Variants in TTC7A observed in about 807,000 individuals in gnomAD.
The protein encoded by TTC7A is tetratricopeptide repeat protein 7A.
TTC7A carries 110 observed loss-of-function variants against 103.7 expected under a neutral mutation model. The ratio of observed to expected loss-of-function variants is 1.06; its 90% confidence interval spans 0.91 to 1.24. TTC7A has a LOEUF of 1.24. TTC7A is among the 50% of genes most tolerant of loss of function. TTC7A has a pLI of 0.00. For missense variants in TTC7A, 1,340 were observed against 1,116.3 expected, an observed-to-expected ratio of 1.20 and a Z score of -2.86; for synonymous variants, 521 against 467.9, an observed-to-expected ratio of 1.11 and a Z score of -1.47.
chr2:47,046,716 C>G (rs1200792822), intron 16 of TTC7A: 1 of 425,624 alleles, frequency 2.3e-6, no homozygotes, highest in African/African-American at 2.0e-5. Flanking sequence ...TGGGCTTGTT[C>G]CTTTATCTTA....
intron 15 of TTC7A, among the ~76,000 whole-genome samples, chr2:47,037,750 C>G (rs1165208336): frequency 4.6e-5 from 7 of 152,170 alleles, no homozygotes; most frequent in Admixed American, 4.6e-4. Context: ...CATGATTCCC[C>G]TTTTACAGAT....
At chr2:46,985,294 A>C (rs1040474486) in intron 5 of TTC7A, among the ~76,000 whole-genome samples, 6 of 151,886 alleles carry the variant, frequency 4.0e-5, no homozygotes, top group African/African-American at 1.5e-4. Context: ...GTAGAAATTG[A>C]GTCATCATTT....
At chr2:46,973,455 G>C (rs1673552655) in intron 3 of TTC7A, among the ~76,000 whole-genome samples, 1 of 152,222 alleles carries the variant, frequency 6.6e-6, no homozygotes, top group Admixed American at 6.5e-5. Flanking sequence ...GAGGGCCTCA[G>C]TGCCGAGTGC....
chr2:47,042,637 A>T (rs868112771), intron 15 of TTC7A, among the ~76,000 whole-genome samples: 9 of 152,084 alleles, frequency 5.9e-5, no homozygotes, highest in African/African-American at 2.2e-4. Context: ...TTCTGGTCTC[A>T]AACAGTCATA....
At chr2:46,926,659 A>G (rs573233006) in intron 2 of TTC7A, among the ~76,000 whole-genome samples, 128 of 152,372 alleles carry the variant, frequency 8.4e-4, no homozygotes, top group African/African-American at 2.6e-3. Flanking sequence ...GTCCTTTCAG[A>G]AGAATATAAA....
At chr2:46,998,614 G>A (rs537817718) in intron 8 of TTC7A, among the ~76,000 whole-genome samples, 82 of 152,308 alleles carry the variant, frequency 5.4e-4, no homozygotes, top group African/African-American at 1.9e-3. Flanking sequence ...CTGCTACTTA[G>A]GTTCTCCTAA....
intron 19 of TTC7A, among the ~76,000 whole-genome samples, chr2:47,065,158 G>A (rs1558645878): frequency 6.6e-6 from 1 of 152,130 alleles, no homozygotes; most frequent in Non-Finnish European, 1.5e-5. Flanking sequence ...GTGGTGGTGG[G>A]CGCCTGTAGT....
chr2:47,047,829 C>T (rs1003829116), intron 16 of TTC7A, among the ~76,000 whole-genome samples: 1 of 152,202 alleles, frequency 6.6e-6, no homozygotes, highest in Non-Finnish European at 1.5e-5. Flanking sequence ...TCCTTGGCTG[C>T]CCCAAACTAG....
intron 18 of TTC7A, among the ~76,000 whole-genome samples, chr2:47,054,850 A>G (rs1238404538): frequency 6.6e-6 from 1 of 151,346 alleles, no homozygotes; most frequent in Non-Finnish European, 1.5e-5. Flanking sequence ...AAAAAAAAAA[A>G]GTCAGGGGAT....
intron 3 of TTC7A, among the ~76,000 whole-genome samples, chr2:46,958,002 C>T (rs780346450): frequency 6.6e-6 from 1 of 152,164 alleles, no homozygotes; most frequent in East Asian, 1.9e-4. Context: ...CAAAGTTACC[C>T]AGATACATGG....
Position 47,023,391 on chromosome 2 carries a change from T to C in TTC7A, c.1511-17T>C, listed in dbSNP as rs1679508374. 6.2e-7 allele frequency: 1 copy of C among 1,613,840 alleles called. No individual in the cohort carries two copies. Among genetic ancestry groups the C allele is most frequent in the Non-Finnish European group, 8.5e-7 (1 of 1,179,928 alleles). ...CAGTGACCCCTGATGGCTCAGTTTC[T>C]GTCCTGTCCCCTGCAGCCACCCTGA... On this transcript the variant is annotated splice_polypyrimidine_tract_variant and intron_variant, in intron 12 of 19. Transcript: ENST00000319190.
chr2:46,917,078 CA>C (rs1668841145), intron 1 of TTC7A: 3 of 673,998 alleles, frequency 4.5e-6, no homozygotes, highest in East Asian at 2.7e-5. Context: ...ACGCCACTGC[CA>C]TTGACGGTCT....
Position 47,023,345 on chromosome 2 carries a change from C to T in TTC7A, c.1511-63C>T, listed in dbSNP as rs552851223. ...AGAGCTGTGTGCTTTGAGGATGGTG[C>T]AGGGCTGGGCCGGCACCCTTCAGTG... is the stretch of plus-strand genomic sequence containing the variant. On this transcript the variant is annotated intron_variant, in intron 12 of 19. Coordinates refer to ENST00000319190, the MANE Select transcript of TTC7A (RefSeq NM_020458.4). 1.5e-5 allele frequency: 24 copies of T among 1,563,628 alleles called. No individual in the cohort carries two copies. The South Asian group carries it at 2.5e-4, about 16-fold the overall frequency.
chr2:47,071,502 G>A (rs1274364316), intron 19 of TTC7A, among the ~76,000 whole-genome samples: 2 of 152,238 alleles, frequency 1.3e-5, no homozygotes, highest in Non-Finnish European at 2.9e-5. Context: ...GATTTTTCAA[G>A]TTGATCATTG....
At chr2:47,038,597 C>T (rs1265946492) in intron 15 of TTC7A, among the ~76,000 whole-genome samples, 1 of 151,790 alleles carries the variant, frequency 6.6e-6, no homozygotes, top group African/African-American at 2.4e-5. Context: ...GATAATGCCC[C>T]TTTCTATGCA....
chr2:47,064,165 C>T (rs766749065), intron 19 of TTC7A, among the ~76,000 whole-genome samples: 14 of 152,186 alleles, frequency 9.2e-5, no homozygotes, highest in Non-Finnish European at 2.1e-4. Context: ...AGAGAACCAG[C>T]GGAATTTGTC....
intron 3 of TTC7A, among the ~76,000 whole-genome samples, chr2:46,973,149 C>A (rs1673521356): frequency 6.6e-6 from 1 of 152,166 alleles, no homozygotes. Flanking sequence ...CATGTCCAAT[C>A]CTGTTCCCTC....
chr2:46,992,486 A>G (rs772632463), intron 5 of TTC7A, among the ~76,000 whole-genome samples: 2 of 152,194 alleles, frequency 1.3e-5, no homozygotes, highest in East Asian at 1.9e-4. Context: ...GAGACTTGAT[A>G]TAGGGGACTG....
At chr2:46,923,898 A>G (rs114498182) in intron 2 of TTC7A, among the ~76,000 whole-genome samples, 10,120 of 151,856 alleles carry the variant, frequency 0.067, 475 homozygotes, top group African/African-American at 0.13. Context: ...ACGCCCAGCT[A>G]ATTTTCTTTG....
Sources: gnomAD v4.1 joint callset for allele counts (sites outside exome capture counted in the v4.1 genomes callset) on GRCh38, gnomAD v4.1.1 for gene constraint, MANE v1.5 for transcripts, NCBI Gene and HGNC (gene_info 2026-07-23, HGNC 2026-07-21) for gene names.